SUMF1: variants seen among roughly 807,000 people sequenced by gnomAD.
SUMF1 encodes sulfatase modifying factor 1, also known as formylglycine-generating enzyme.
SUMF1 carries 48 observed loss-of-function variants against 47.6 expected under a neutral mutation model. The observed-to-expected ratio is 1.01, with a 90% confidence interval of 0.80 to 1.28. The LOEUF is 1.28. Among genes scored for constraint, SUMF1 ranks in the 50% most tolerant of loss-of-function variants. SUMF1 has a pLI of 0.00. For synonymous variants in SUMF1, 230 were observed against 192.1 expected, an observed-to-expected ratio of 1.20 and a Z score of -1.63; for missense variants, 571 against 485.4, an observed-to-expected ratio of 1.18 and a Z score of -1.66.
At chr3:4,237,245 C>A (rs1009057783) in intron 8 of SUMF1, among the ~76,000 whole-genome samples, 7 of 152,092 alleles carry the variant, frequency 4.6e-5, no homozygotes, top group Non-Finnish European at 8.8e-5. Context: ...TGCATTTCTA[C>A]CAGCAGTGAA....
chr3:4,385,686 G>A (rs1375886293), intron 7 of SUMF1, among the ~76,000 whole-genome samples: 2 of 152,030 alleles, frequency 1.3e-5, no homozygotes, highest in Non-Finnish European at 2.9e-5. Context: ...TTGGTGTCAA[G>A]TCTCTACACT....
intron 7 of SUMF1, among the ~76,000 whole-genome samples, chr3:4,399,765 T>C (rs961653364): frequency 6.6e-6 from 1 of 152,192 alleles, no homozygotes; most frequent in African/African-American, 2.4e-5. Flanking sequence ...TTTTCTTGTT[T>C]TTCTTTTTTT....
At chr3:4,087,991 T>C (rs1196134140) in intron 8 of SUMF1, among the ~76,000 whole-genome samples, 2 of 152,078 alleles carry the variant, frequency 1.3e-5, no homozygotes, top group East Asian at 3.8e-4. Flanking sequence ...CACACTCCTA[T>C]TTGATTCTAA....
intron 3 of SUMF1, among the ~76,000 whole-genome samples, chr3:4,420,499 C>T (rs1253325588): frequency 1.3e-5 from 2 of 151,168 alleles, no homozygotes; most frequent in Non-Finnish European, 2.9e-5. Context: ...CAGGTTCAAC[C>T]GATTCTCCTG....
In SUMF1 at chr3:4,348,694, G is replaced by A. The variant is rs1445443134; in HGVS notation, c.1014+27636C>T. Among the ~76,000 whole-genome samples the A allele has an allele frequency of 3.4e-5, 5 of 148,746 alleles. No homozygotes were observed. The East Asian group carries it at 7.8e-4, about 23-fold the overall frequency. ...AGCCTGACCAACATGCAGAAATGCT[G>A]TCTCTACTAAAAATACAAAAAAAAA... On this transcript the variant is annotated intron_variant and NMD_transcript_variant, in intron 8 of 12. Transcript: ENST00000448413.
intron 8 of SUMF1, among the ~76,000 whole-genome samples, chr3:4,248,048 T>C (rs1029951642): frequency 4.5e-4 from 69 of 152,366 alleles, no homozygotes; most frequent in African/African-American, 1.6e-3. Context: ...TGTTTAGTGA[T>C]GGTGATGGCA....
At chr3:4,392,615 G>A (rs9848828) in intron 7 of SUMF1, among the ~76,000 whole-genome samples, 2,490 of 96,008 alleles carry the variant, frequency 0.026, 82 homozygotes, top group African/African-American at 0.084. Flanking sequence ...GTGTGTGTGT[G>A]TATATATATA....
At chr3:4,314,961 A>C (rs182138278) in intron 8 of SUMF1, among the ~76,000 whole-genome samples, 161 of 152,342 alleles carry the variant, frequency 1.1e-3, no homozygotes, top group African/African-American at 3.7e-3. Flanking sequence ...ATATAAGTAC[A>C]TTGTACACTT....
chr3:4,107,553 C>G (rs1693186929), intron 8 of SUMF1, among the ~76,000 whole-genome samples: 1 of 152,134 alleles, frequency 6.6e-6, no homozygotes, highest in African/African-American at 2.4e-5. Context: ...ATAAAGGACT[C>G]TCTTCGTTGT....
intron 8 of SUMF1, among the ~76,000 whole-genome samples, chr3:4,177,028 T>A (rs1044814420): frequency 1.3e-5 from 2 of 152,116 alleles, no homozygotes; most frequent in African/African-American, 4.8e-5. Flanking sequence ...GGAGCATCCA[T>A]ATTCATAAAG....
chr3:4,434,981 G>A (rs1159215091), intron 3 of SUMF1, among the ~76,000 whole-genome samples: 2 of 152,172 alleles, frequency 1.3e-5, no homozygotes, highest in Non-Finnish European at 1.5e-5. Flanking sequence ...AGGTTGGAGT[G>A]CAGTGGCGTG....
At chr3:4,168,626 GT>G (rs1474240697) in intron 8 of SUMF1, among the ~76,000 whole-genome samples, 2 of 152,040 alleles carry the variant, frequency 1.3e-5, no homozygotes, top group Non-Finnish European at 2.9e-5. Context: ...AATTCAAAAA[GT>G]TTTTTTAATG....
intron 5 of SUMF1, 143 bp from the exon 6 acceptor site, chr3:4,417,385 CTTTTAATCAGGA>C: frequency 1.7e-6 from 1 of 602,032 alleles, no homozygotes; most frequent in Non-Finnish European, 2.9e-6. Flanking sequence ...ATAAATAAAG[CTTTTAATCAGGA>C]TTTATTTTCA....
intron 8 of SUMF1, chr3:4,313,522 G>A (rs1698508531): frequency 6.2e-7 from 1 of 1,613,998 alleles, no homozygotes; most frequent in Non-Finnish European, 8.5e-7. Context: ...ACTCTCTTAT[G>A]ATTATTCAGG....
chr3:4,350,241 T>C (rs998021986), intron 8 of SUMF1, among the ~76,000 whole-genome samples: 3 of 151,932 alleles, frequency 2.0e-5, no homozygotes, highest in Non-Finnish European at 4.4e-5. Flanking sequence ...TCAGGGTGTT[T>C]TCAAACTCCT....
At chr3:4,060,204 T>C (rs553463506) in intron 9 of SUMF1, among the ~76,000 whole-genome samples, 1 of 152,308 alleles carries the variant, frequency 6.6e-6, no homozygotes, top group East Asian at 1.9e-4. Flanking sequence ...ACTAAAGTGA[T>C]AGAGATTAGC....
chr3:4,162,798 T>C (rs1694608551), intron 8 of SUMF1, among the ~76,000 whole-genome samples: 1 of 152,144 alleles, frequency 6.6e-6, no homozygotes, highest in African/African-American at 2.4e-5. Flanking sequence ...TGATTTTTTG[T>C]TCTTATGAAG....
chr3:4,120,996 C>A (rs1693527968), intron 8 of SUMF1, among the ~76,000 whole-genome samples: 1 of 152,084 alleles, frequency 6.6e-6, no homozygotes, highest in Non-Finnish European at 1.5e-5. Context: ...TAGCTGATAA[C>A]AGATAGGAAA....
intron 8 of SUMF1, among the ~76,000 whole-genome samples, chr3:4,164,161 G>A (rs890073724): frequency 6.6e-6 from 1 of 152,148 alleles, no homozygotes; most frequent in African/African-American, 2.4e-5. Flanking sequence ...CATGTGAAAA[G>A]ACCAAAGTCT....
Sources: gnomAD v4.1 joint callset for allele counts (sites outside exome capture counted in the v4.1 genomes callset) on GRCh38, gnomAD v4.1.1 for gene constraint, MANE v1.5 for transcripts, NCBI Gene and HGNC (gene_info 2026-07-23, HGNC 2026-07-21) for gene names.